EYS: variants seen among roughly 807,000 people sequenced by gnomAD.
The protein encoded by EYS is EGF-like photoreceptor maintenance factor.
A neutral mutation model predicts 282.1 loss-of-function variants in EYS; 250 were observed. The observed-to-expected ratio is 0.89, with a 90% confidence interval of 0.80 to 0.98. The LOEUF (loss-of-function observed/expected upper bound fraction) is 0.98, where lower values mean the gene tolerates loss of function less well. Ranked by LOEUF, EYS falls within the 50% of genes least tolerant of loss-of-function variation. The probability of loss-of-function intolerance (pLI) is 0.00; values close to 1 mark genes in which losing one functional copy is unlikely to be tolerated. For missense variants in EYS, 4,016 were observed against 3,709.0 expected (o/e 1.08, Z -2.15); for synonymous variants, 1,355 against 1,282.9 (o/e 1.06, Z -1.20).
At chr6:63,796,605 A>G (rs1770650761) in intron 37 of EYS, among the ~76,000 whole-genome samples, 1 of 152,238 alleles carries the variant, frequency 6.6e-6, no homozygotes, top group South Asian at 2.1e-4. Flanking sequence ...ATGGTAAAAT[A>G]GTATCATTTA....
intron 22 of EYS, among the ~76,000 whole-genome samples, chr6:64,759,044 C>G (rs1562175730): frequency 6.6e-6 from 1 of 152,074 alleles, no homozygotes; most frequent in Non-Finnish European, 1.5e-5. Context: ...GAGGCTGAGG[C>G]AGGAGAATGG....
chr6:64,160,311 A>G (rs1176036076), intron 31 of EYS, among the ~76,000 whole-genome samples: 2 of 152,210 alleles, frequency 1.3e-5, no homozygotes, highest in African/African-American at 4.8e-5. Context: ...AAATTGAACC[A>G]CTGGTTTGAA....
At chr6:64,254,427 T>C (rs137950251) in intron 30 of EYS, among the ~76,000 whole-genome samples, 1 of 152,238 alleles carries the variant, frequency 6.6e-6, no homozygotes, top group Non-Finnish European at 1.5e-5. Context: ...TGACCTATCT[T>C]ACTACATCAA....
At chr6:64,433,343 CA>C (rs1774633155) in intron 28 of EYS, among the ~76,000 whole-genome samples, 1 of 151,890 alleles carries the variant, frequency 6.6e-6, no homozygotes, top group Non-Finnish European at 1.5e-5. Context: ...TGTAAATGGT[CA>C]AAAAATTTTA....
At chr6:65,438,510 T>C (rs938610399) in intron 5 of EYS, among the ~76,000 whole-genome samples, 91 of 152,144 alleles carry the variant, frequency 6.0e-4, no homozygotes, top group African/African-American at 2.1e-3. Context: ...ACATCCTCTC[T>C]AGCACCTGTT....
intron 18 of EYS, among the ~76,000 whole-genome samples, chr6:64,899,881 C>T (rs1488526154): frequency 6.6e-6 from 1 of 152,048 alleles, no homozygotes; most frequent in Non-Finnish European, 1.5e-5. Context: ...AAAAAAACTA[C>T]TTTAAATTTC....
intron 29 of EYS, among the ~76,000 whole-genome samples, chr6:64,337,454 C>A (rs1770897753): frequency 6.6e-6 from 1 of 151,898 alleles, no homozygotes; most frequent in African/African-American, 2.4e-5. Context: ...CCTGAACAGA[C>A]CAATAAGAAA....
Position 64,590,405 on chromosome 6 carries a change from G to A in EYS, c.5462C>T (p.Thr1821Ile), listed in dbSNP as rs776654329. 9.7e-6 allele frequency: 15 copies of A among 1,551,336 alleles called. No individual in the cohort carries two copies. In the Admixed American group the frequency reaches 1.2e-4, roughly 12 times the overall value. Residue 1821 changes from threonine to isoleucine, a missense_variant, in exon 26 of 43, where the codon ACA becomes ATA. Coordinates refer to ENST00000503581, the MANE Select transcript of EYS (RefSeq NM_001142800.2). ...TTTTTTAAGAGAGGTCATATAATCT[G>A]TAAAATATGGCCAATCTGGCCTAAT... ...SVIRPDWPYF[T>I]DYMTSLKKEV...
At chr6:65,429,689 G>C (rs1206179476) in intron 5 of EYS, among the ~76,000 whole-genome samples, 1 of 151,868 alleles carries the variant, frequency 6.6e-6, no homozygotes, top group Non-Finnish European at 1.5e-5. Context: ...ACAAGCAAAA[G>C]AGAATAAAAT....
At chr6:65,292,183 G>A (rs1768545675) in intron 12 of EYS, among the ~76,000 whole-genome samples, 1 of 151,502 alleles carries the variant, frequency 6.6e-6, no homozygotes, top group Admixed American at 6.6e-5. Flanking sequence ...CTCCTCTTAG[G>A]CATAAATTAC....
chr6:65,138,009 T>G (rs1389669882), intron 12 of EYS, among the ~76,000 whole-genome samples: 1 of 151,920 alleles, frequency 6.6e-6, no homozygotes, highest in Non-Finnish European at 1.5e-5. Flanking sequence ...AACAAAAAAT[T>G]AAGAAATCTT....
chr6:65,609,359 T>TAACA (rs1213710070), intron 2 of EYS, among the ~76,000 whole-genome samples: 2 of 151,350 alleles, frequency 1.3e-5, no homozygotes, highest in Non-Finnish European at 2.9e-5. Flanking sequence ...AATCTAATAC[T>TAACA]AACATTGTAA....
intron 16 of EYS, among the ~76,000 whole-genome samples, chr6:64,903,194 C>T (rs1350354204): frequency 6.6e-6 from 1 of 152,002 alleles, no homozygotes; most frequent in Non-Finnish European, 1.5e-5. Context: ...CTAAGTATAA[C>T]AAAATATATG....
chr6:65,623,804 T>A (rs1766606905), intron 2 of EYS, among the ~76,000 whole-genome samples: 1 of 152,234 alleles, frequency 6.6e-6, no homozygotes, highest in Non-Finnish European at 1.5e-5. Flanking sequence ...TGCATAGTGT[T>A]TACTTTTGGA....
chr6:65,100,432 G>T (rs1774862996), intron 12 of EYS, among the ~76,000 whole-genome samples: 1 of 150,166 alleles, frequency 6.7e-6, no homozygotes, highest in African/African-American at 2.4e-5. Context: ...GACATTCAAA[G>T]AATAAAAAAG....
chr6:64,287,457 C>T (rs373851984), intron 30 of EYS, among the ~76,000 whole-genome samples: 36 of 152,132 alleles, frequency 2.4e-4, no homozygotes, highest in African/African-American at 8.2e-4. Context: ...TTGAATACCA[C>T]ATATTCTTGC....
chr6:65,457,954 T>G (rs1399297634), intron 5 of EYS, among the ~76,000 whole-genome samples: 1 of 152,124 alleles, frequency 6.6e-6, no homozygotes. Context: ...CCCTCAAACC[T>G]ATATTACCTT....
chr6:63,924,812 C>T (rs935013418), intron 35 of EYS, among the ~76,000 whole-genome samples: 2 of 152,116 alleles, frequency 1.3e-5, no homozygotes, highest in African/African-American at 4.8e-5. Context: ...CTCAGCTTGG[C>T]TTTTTTTCCT....
intron 15 of EYS, among the ~76,000 whole-genome samples, chr6:64,943,110 C>G (rs540176318): frequency 2.0e-5 from 3 of 152,000 alleles, no homozygotes; most frequent in Non-Finnish European, 4.4e-5. Context: ...AAACAAAAAA[C>G]ACATGATGAT....
Sources: allele counts gnomAD v4.1 joint callset (sites outside exome capture counted in the v4.1 genomes callset), GRCh38; gene constraint gnomAD v4.1.1; transcripts MANE v1.5; gene names NCBI Gene and HGNC (gene_info 2026-07-23, HGNC 2026-07-21).